The following EPB41L3 variants were observed in gnomAD, a reference collection of about 807,000 sequenced individuals.
EPB41L3 encodes the protein erythrocyte membrane protein band 4.1 like 3.
EPB41L3 carries 57 observed loss-of-function variants against 127.1 expected under a neutral mutation model. That is an observed-to-expected ratio of 0.45 (90% CI 0.36 to 0.56). EPB41L3 has a LOEUF of 0.56. EPB41L3 is among the 20% of genes least tolerant of loss of function. The pLI is 0.00. For synonymous variants in EPB41L3, 572 were observed against 549.5 expected, an observed-to-expected ratio of 1.04 and a Z score of -0.57; for missense variants, 1,273 against 1,372.2, an observed-to-expected ratio of 0.93 and a Z score of 1.14.
intron 16 of EPB41L3, chr18:5,399,127 T>C (rs2074081915): frequency 7.5e-6 from 3 of 399,110 alleles, no homozygotes; most frequent in Non-Finnish European, 1.3e-5. Flanking sequence ...TTCCCAGTCA[T>C]AGTAACAATT....
intron 1 of EPB41L3, among the ~76,000 whole-genome samples, chr18:5,531,711 A>G (rs535075685): frequency 6.8e-6 from 1 of 147,764 alleles, no homozygotes; most frequent in East Asian, 2.0e-4. Flanking sequence ...CAGCCTATAC[A>G]ACAGAACAAG....
At chr18:5,574,628 T>C (rs915774238) in intron 3 of EPB41L3, among the ~76,000 whole-genome samples, 3 of 152,152 alleles carry the variant, frequency 2.0e-5, no homozygotes, top group African/African-American at 7.2e-5. Context: ...GAAATTTTGA[T>C]ACATACCAGG....
chr18:5,445,598 G>C (rs1200699912), intron 3 of EPB41L3, among the ~76,000 whole-genome samples: 1 of 152,162 alleles, frequency 6.6e-6, no homozygotes, highest in African/African-American at 2.4e-5. Context: ...AATTCTGACA[G>C]TGAAAGAGTA....
intron 3 of EPB41L3, among the ~76,000 whole-genome samples, chr18:5,471,477 C>T (rs554741028): frequency 1.9e-4 from 29 of 152,300 alleles, no homozygotes; most frequent in African/African-American, 6.5e-4. Flanking sequence ...TGAAGTATCA[C>T]GTGAAATCTT....
chr18:5,617,501 G>A (rs2094811354), intron 1 of EPB41L3, among the ~76,000 whole-genome samples: 1 of 152,026 alleles, frequency 6.6e-6, no homozygotes, highest in African/African-American at 2.4e-5. Flanking sequence ...TGTATTTTTA[G>A]TAGAGACGGG....
intron 3 of EPB41L3, among the ~76,000 whole-genome samples, chr18:5,605,181 C>T (rs1459923035): frequency 6.6e-6 from 1 of 152,180 alleles, no homozygotes; most frequent in Non-Finnish European, 1.5e-5. Flanking sequence ...GTTGAGGCCT[C>T]TGCTGGGACT....
At chr18:5,470,507 T>TA (rs1023415380) in intron 3 of EPB41L3, among the ~76,000 whole-genome samples, 13 of 151,960 alleles carry the variant, frequency 8.6e-5, no homozygotes, top group East Asian at 1.9e-4. Flanking sequence ...TCACTCTTGT[T>TA]AAAAAAAATA....
intron 3 of EPB41L3, among the ~76,000 whole-genome samples, chr18:5,569,423 T>C (rs575727107): frequency 5.4e-4 from 82 of 152,182 alleles, no homozygotes; most frequent in Non-Finnish European, 7.1e-4. Flanking sequence ...TGCTGAGGTG[T>C]AATATATAAA....
At position 5,562,627 on chromosome 18, in the gene EPB41L3, G is replaced by A. The variant is rs73937165; in HGVS notation, c.-306+49713C>T. 7.8e-4 allele frequency among the ~76,000 whole-genome samples: 119 copies of A among 152,314 alleles called. 2 individuals are homozygous for A. Among genetic ancestry groups the A allele is most frequent in the Middle Eastern group, 6.8e-3 (2 of 294 alleles). On this transcript the variant is annotated intron_variant, in intron 3 of 21. Transcript: ENST00000545076. ...TCTAAAGAATGTAATAGTGCCTGGC[G>A]CATTGTCAGAACCCAATCAATGTTA...
chr18:5,473,643 G>C (rs2086580318), intron 3 of EPB41L3, among the ~76,000 whole-genome samples: 1 of 151,976 alleles, frequency 6.6e-6, no homozygotes, highest in South Asian at 2.1e-4. Flanking sequence ...AAATAAATGA[G>C]ATGAGTGAGA....
intron 1 of EPB41L3, among the ~76,000 whole-genome samples, chr18:5,504,467 G>C (rs1036624347): frequency 6.6e-6 from 1 of 152,154 alleles, no homozygotes; most frequent in African/African-American, 2.4e-5. Context: ...TCACACAGGA[G>C]TGGGACCGGC....
At position 5,476,541 on chromosome 18, in the gene EPB41L3, A is replaced by G. The variant is rs531399006; in HGVS notation, c.381+1700T>C. 3.0e-4 allele frequency among the ~76,000 whole-genome samples: 45 copies of G among 152,344 alleles called. No homozygotes were observed. In the South Asian group the frequency reaches 3.5e-3, roughly 12 times the overall value. ...CATTATCCTCTCTATGTGAAACACT[A>G]TAAACTTTCTTCTAGACTCTTGGAA... is the stretch of plus-strand genomic sequence containing the variant. On this transcript the variant is annotated intron_variant, in intron 3 of 22. Transcript: ENST00000341928.
intron 1 of EPB41L3, among the ~76,000 whole-genome samples, chr18:5,504,363 T>A (rs2091982766): frequency 6.6e-6 from 1 of 152,194 alleles, no homozygotes; most frequent in Admixed American, 6.5e-5. Context: ...TACTCAATCC[T>A]GAATGTCAAG....
intron 2 of EPB41L3, chr18:5,614,211 T>A (rs1173523399): frequency 1.3e-5 from 2 of 152,242 alleles, no homozygotes; most frequent in South Asian, 2.1e-4. Context: ...GCAATAGTTG[T>A]ACAGAATTAT....
chr18:5,528,215 G>A (rs1013592358), intron 1 of EPB41L3, among the ~76,000 whole-genome samples: 4 of 152,042 alleles, frequency 2.6e-5, no homozygotes, highest in African/African-American at 9.7e-5. Context: ...TCACCCAAGC[G>A]TGGAGTGCAG....
chr18:5,428,945 G>A (rs1172150028), intron 8 of EPB41L3, among the ~76,000 whole-genome samples: 2 of 152,164 alleles, frequency 1.3e-5, no homozygotes, highest in African/African-American at 4.8e-5. Context: ...TAACCAACAC[G>A]TATGCTAACA....
At chr18:5,597,478 G>A (rs2094548275) in intron 3 of EPB41L3, among the ~76,000 whole-genome samples, 1 of 151,982 alleles carries the variant, frequency 6.6e-6, no homozygotes, top group Non-Finnish European at 1.5e-5. Context: ...GAATTTCTGG[G>A]TTTTTATTTT....
intron 1 of EPB41L3, among the ~76,000 whole-genome samples, chr18:5,517,151 G>A (rs1312269909): frequency 6.6e-6 from 1 of 152,076 alleles, no homozygotes; most frequent in African/African-American, 2.4e-5. Flanking sequence ...GCACATAGGA[G>A]GCACTCAATA....
chr18:5,420,915 A>C (rs191492322), intron 11 of EPB41L3, among the ~76,000 whole-genome samples: 78 of 151,900 alleles, frequency 5.1e-4, no homozygotes, highest in African/African-American at 1.5e-3. Flanking sequence ...TATGTCACTA[A>C]AATATCTTCA....
Sources: gnomAD v4.1 joint callset for allele counts (sites outside exome capture counted in the v4.1 genomes callset) on GRCh38, gnomAD v4.1.1 for gene constraint, MANE v1.5 for transcripts, NCBI Gene and HGNC (gene_info 2026-07-23, HGNC 2026-07-21) for gene names.